Variants in MGAT4C observed in about 807,000 individuals in gnomAD.
MGAT4C encodes the protein alpha-1,3-mannosyl-glycoprotein 4-beta-N-acetylglucosaminyltransferase C.
In MGAT4C, 19 loss-of-function variants were observed where a neutral mutation model predicts 40.1. The ratio of observed to expected loss-of-function variants is 0.47; its 90% CI spans 0.33 to 0.70. The LOEUF is 0.70. Among genes scored for constraint, MGAT4C ranks in the 30% least tolerant of loss-of-function variants. MGAT4C has a pLI of 0.02. For missense variants in MGAT4C, 491 were observed against 563.2 expected (o/e 0.87, Z 1.30); for synonymous variants, 181 against 187.1 (o/e 0.97, Z 0.27).
chr12:86,360,556 G>T, intron 3 of MGAT4C, among the ~76,000 whole-genome samples: 1 of 152,162 alleles, frequency 6.6e-6, no homozygotes, highest in Non-Finnish European at 1.5e-5. Context: ...GTCCCTGTTT[G>T]CAGATTACAT....
intron 2 of MGAT4C, among the ~76,000 whole-genome samples, chr12:86,554,618 T>C (rs966379474): frequency 2.0e-5 from 3 of 152,168 alleles, no homozygotes; most frequent in African/African-American, 7.2e-5. Context: ...ATCTCATCAA[T>C]ACATGTAGTT....
At chr12:86,634,034 T>C (rs1963141666) in intron 2 of MGAT4C, among the ~76,000 whole-genome samples, 1 of 152,100 alleles carries the variant, frequency 6.6e-6, no homozygotes, top group Non-Finnish European at 1.5e-5. Context: ...GTTAATATAA[T>C]TAAATGGAGC....
At chr12:86,052,452 T>C (rs1433293734) in intron 1 of MGAT4C, among the ~76,000 whole-genome samples, 1 of 151,996 alleles carries the variant, frequency 6.6e-6, no homozygotes, top group African/African-American at 2.4e-5. Context: ...ATAAACAAAT[T>C]ATTTCAATCA....
At chr12:86,428,911 C>G (rs766343379) in intron 3 of MGAT4C, among the ~76,000 whole-genome samples, 1 of 151,906 alleles carries the variant, frequency 6.6e-6, no homozygotes, top group Non-Finnish European at 1.5e-5. Flanking sequence ...AAAAGAGTTA[C>G]TTTTTATCTC....
At chr12:86,713,854 T>C in intron 2 of MGAT4C, among the ~76,000 whole-genome samples, 1 of 151,310 alleles carries the variant, frequency 6.6e-6, no homozygotes, top group East Asian at 1.9e-4. Context: ...CGGACTTATG[T>C]ATTACATTAT....
At chr12:86,170,114 A>T (rs1434329010) in intron 1 of MGAT4C, among the ~76,000 whole-genome samples, 1 of 152,336 alleles carries the variant, frequency 6.6e-6, no homozygotes, top group Admixed American at 6.5e-5. Flanking sequence ...AGAAAGCAGA[A>T]GAGACAGTAT....
chr12:86,120,927 C>G (rs1460933202), intron 1 of MGAT4C, among the ~76,000 whole-genome samples: 2 of 152,156 alleles, frequency 1.3e-5, no homozygotes, highest in Non-Finnish European at 2.9e-5. Context: ...TTTAGACGAT[C>G]AGTAGTAACA....
At chr12:86,423,061 A>T (rs1956858644) in intron 3 of MGAT4C, among the ~76,000 whole-genome samples, 1 of 152,168 alleles carries the variant, frequency 6.6e-6, no homozygotes, top group East Asian at 1.9e-4. Context: ...AAGAGATGCA[A>T]GTAGAATTAG....
chr12:86,495,029 T>C (rs1958212768), intron 2 of MGAT4C, among the ~76,000 whole-genome samples: 1 of 152,100 alleles, frequency 6.6e-6, no homozygotes, highest in Non-Finnish European at 1.5e-5. Context: ...ATATGCAGAA[T>C]ATGCACATCT....
At chr12:86,132,623 C>A (rs181397715) in intron 1 of MGAT4C, among the ~76,000 whole-genome samples, 141 of 152,070 alleles carry the variant, frequency 9.3e-4, no homozygotes, top group Non-Finnish European at 1.3e-3. Context: ...GAAACCCCGT[C>A]TCTACTAAAC....
intron 2 of MGAT4C, chr12:86,028,275 G>GT (rs1565880334): frequency 2.5e-6 from 2 of 810,634 alleles, no homozygotes; most frequent in Non-Finnish European, 3.5e-6. Flanking sequence ...TCTTGCCCTA[G>GT]TAATTGACAG....
chr12:86,417,614 A>G (rs544153252), intron 3 of MGAT4C, among the ~76,000 whole-genome samples: 67 of 152,260 alleles, frequency 4.4e-4, no homozygotes, highest in African/African-American at 1.6e-3. Context: ...TGACTTATAA[A>G]TGCTTGACAT....
At position 86,499,258 on chromosome 12, in the gene MGAT4C, T is replaced by G. The variant is rs77627174; in HGVS notation, c.-228-63993A>C. Among the ~76,000 whole-genome samples, 498 of 151,890 alleles carry G rather than the reference T, an allele frequency of 3.3e-3. 3 individuals are homozygous for G. Among genetic ancestry groups the G allele is most frequent in the African/African-American group, 0.011 (476 of 41,494 alleles). On this transcript the variant is annotated intron_variant, in intron 2 of 7. Coordinates refer to the MGAT4C transcript ENST00000548651. The stretch of plus-strand genomic sequence containing the variant: ...AAGTTGGGGATGTTAAAGGCTCAAC[T>G]ATATTTATGTGTGTGTGTGTATGTA...
intron 4 of MGAT4C, among the ~76,000 whole-genome samples, chr12:86,329,887 C>T (rs527591608): frequency 2.0e-5 from 3 of 152,258 alleles, no homozygotes; most frequent in South Asian, 2.1e-4. Flanking sequence ...TAACCCTCAA[C>T]AAATGCTTGT....
At chr12:86,741,644 T>C (rs1951071146) in intron 1 of MGAT4C, among the ~76,000 whole-genome samples, 1 of 151,366 alleles carries the variant, frequency 6.6e-6, no homozygotes, top group Admixed American at 6.6e-5. Context: ...GCAGAATCAG[T>C]CTCTGACACT....
At chr12:86,752,795 C>A (rs998840746) in intron 1 of MGAT4C, among the ~76,000 whole-genome samples, 9 of 152,090 alleles carry the variant, frequency 5.9e-5, no homozygotes, top group African/African-American at 1.9e-4. Context: ...GAAGGCACTT[C>A]ATTGAACAAA....
intron 1 of MGAT4C, among the ~76,000 whole-genome samples, chr12:86,751,773 G>A (rs1207738857): frequency 6.6e-6 from 1 of 151,858 alleles, no homozygotes; most frequent in East Asian, 1.9e-4. Flanking sequence ...CCTTAAGAAA[G>A]GCAAAATATC....
At chr12:86,757,873 T>G (rs1168894045) in intron 1 of MGAT4C, among the ~76,000 whole-genome samples, 1 of 152,120 alleles carries the variant, frequency 6.6e-6, no homozygotes, top group Non-Finnish European at 1.5e-5. Context: ...CACCTCAATT[T>G]TAACAGTTGA....
intron 1 of MGAT4C, among the ~76,000 whole-genome samples, chr12:86,175,992 T>C (rs1396481093): frequency 6.6e-6 from 1 of 151,808 alleles, no homozygotes; most frequent in Non-Finnish European, 1.5e-5. Context: ...GAAAAACAAA[T>C]AATTTTCTGG....
Sources: gnomAD v4.1 joint callset for allele counts (sites outside exome capture counted in the v4.1 genomes callset) on GRCh38, gnomAD v4.1.1 for gene constraint, MANE v1.5 for transcripts, NCBI Gene and HGNC (gene_info 2026-07-23, HGNC 2026-07-21) for gene names.